SORL1: variants seen among roughly 807,000 people sequenced by gnomAD.
SORL1 encodes the protein sortilin related receptor 1, also known as sortilin-related receptor.
In SORL1, 127 loss-of-function variants were observed where a neutral mutation model predicts 273.7. The ratio of observed to expected loss-of-function variants is 0.46; its 90% CI spans 0.40 to 0.54. The LOEUF is 0.54. Ranked by LOEUF, SORL1 falls within the 20% of genes least tolerant of loss-of-function variation. The pLI is 0.00. For missense variants in SORL1, 2,494 were observed against 2,846.1 expected (o/e 0.88, Z 2.81); for synonymous variants, 1,031 against 1,067.4 (o/e 0.97, Z 0.66).
intron 25 of SORL1, among the ~76,000 whole-genome samples, chr11:121,578,698 T>C (rs976452249): frequency 6.6e-6 from 1 of 152,238 alleles, no homozygotes; most frequent in Non-Finnish European, 1.5e-5. Context: ...TGACCTCATA[T>C]GGCCTTAAGG....
chr11:121,455,802 G>A (rs1206171365), intron 1 of SORL1, among the ~76,000 whole-genome samples: 1 of 152,190 alleles, frequency 6.6e-6, no homozygotes. Flanking sequence ...AAACCAGCCT[G>A]GTCCACATGG....
chr11:121,624,845 C>T (rs568010821), intron 45 of SORL1, among the ~76,000 whole-genome samples: 16 of 152,130 alleles, frequency 1.1e-4, no homozygotes, highest in Admixed American at 3.9e-4. Flanking sequence ...TTCATTTCCA[C>T]GATATAGCTT....
intron 30 of SORL1, chr11:121,590,435 C>T: frequency 2.0e-6 from 1 of 500,400 alleles, no homozygotes; most frequent in Non-Finnish European, 3.6e-6. Flanking sequence ...TGGTTTGCAA[C>T]CAGTAGCATC....
In SORL1 at chr11:121,581,490, T is replaced by C. The variant is rs148558879; in HGVS notation, c.3581-1968T>C. Among the ~76,000 whole-genome samples the C allele has an allele frequency of 1.0e-3, 154 of 152,296 alleles. 1 individual carries two copies. Among genetic ancestry groups the C allele is most frequent in the African/African-American group, 3.6e-3 (148 of 41,570 alleles). ...GAATCCTACCATGCAGAGGATTCTT[T>C]TTCTTCCCTAAATTCTTCAGTCTGG... On this transcript the variant is annotated intron_variant, in intron 25 of 47. Transcript: ENST00000260197.
intron 1 of SORL1, among the ~76,000 whole-genome samples, chr11:121,467,351 T>C (rs1861099696): frequency 6.6e-6 from 1 of 152,186 alleles, no homozygotes; most frequent in Non-Finnish European, 1.5e-5. Context: ...TCCTGTCCTC[T>C]GAGTAGATCG....
At chr11:121,463,136 G>A (rs929657423) in intron 1 of SORL1, among the ~76,000 whole-genome samples, 2 of 152,126 alleles carry the variant, frequency 1.3e-5, no homozygotes, top group Non-Finnish European at 2.9e-5. Flanking sequence ...ATGGCCGTGT[G>A]TTTTCAGGCA....
chr11:121,519,410 C>T (rs1222598078), intron 8 of SORL1, among the ~76,000 whole-genome samples: 3 of 151,424 alleles, frequency 2.0e-5, no homozygotes, highest in Non-Finnish European at 2.9e-5. Flanking sequence ...TATTCTCTCT[C>T]TCTTTTTTTT....
chr11:121,539,070 A>T (rs1032451603), intron 12 of SORL1, among the ~76,000 whole-genome samples: 2 of 152,196 alleles, frequency 1.3e-5, no homozygotes, highest in Admixed American at 6.5e-5. Context: ...TCATTGACAG[A>T]TGTGTTGAGC....
chr11:121,622,133 C>A (rs1565358035), intron 44 of SORL1, 29 bp from the exon 45 acceptor site: 2 of 1,230,958 alleles, frequency 1.6e-6, no homozygotes, highest in Non-Finnish European at 2.4e-6. Context: ...TATCCACTAA[C>A]CGCATCCCAT....
intron 1 of SORL1, among the ~76,000 whole-genome samples, chr11:121,458,738 C>T (rs937907638): frequency 2.6e-5 from 4 of 152,166 alleles, no homozygotes; most frequent in African/African-American, 4.8e-5. Context: ...GGGCGGCCTT[C>T]AAGCGCTGAA....
At chr11:121,586,378 A>G in intron 27 of SORL1, 49 bp downstream of exon 27, 2 of 1,351,618 alleles carry the variant, frequency 1.5e-6, no homozygotes, top group Non-Finnish European at 2.1e-6. Context: ...AGTGATTATG[A>G]GTGAAGAGCG....
intron 32 of SORL1, among the ~76,000 whole-genome samples, chr11:121,601,194 A>G (rs1226698872): frequency 9.7e-5 from 14 of 143,796 alleles, no homozygotes; most frequent in Non-Finnish European, 2.0e-4. Flanking sequence ...ATGATTTCCA[A>G]TTTCATCCAT....
chr11:121,539,612 T>C (rs1233896398), intron 12 of SORL1, among the ~76,000 whole-genome samples: 1 of 151,102 alleles, frequency 6.6e-6, no homozygotes, highest in Non-Finnish European at 1.5e-5. Context: ...TAGAATTTTT[T>C]TTCTATTTTT....
At chr11:121,516,344 A>G (rs1178500149) in intron 8 of SORL1, among the ~76,000 whole-genome samples, 1 of 152,186 alleles carries the variant, frequency 6.6e-6, no homozygotes, top group African/African-American at 2.4e-5. Context: ...TTGTTGATAG[A>G]TGGGACGAGG....
intron 8 of SORL1, 128 bp downstream of exon 8, chr11:121,514,449 G>A (rs1441844569): frequency 1.1e-5 from 10 of 896,928 alleles, no homozygotes; most frequent in Admixed American, 2.9e-5. Flanking sequence ...GAAACCCGAT[G>A]CCTGGCTCAC....
Position 121,452,611 on chromosome 11 carries a change from G to A in SORL1, c.280G>A (p.Gly94Arg). 10 of 1,496,206 alleles carry A rather than the reference G, an allele frequency of 6.7e-6. No individual in the cohort carries two copies. Among genetic ancestry groups the A allele is most frequent in the Non-Finnish European group, 8.9e-6 (10 of 1,128,632 alleles). 92.7% of individuals were successfully genotyped at this position (1,496,206 alleles called of 1,614,324 possible). ...GCAGCCCGAGCCCATCAAGGTGTACGGACAGGTGAGCAGTTTTGCAACCCG... is the reference window on the plus strand; with the variant it reads ...GCAGCCCGAGCCCATCAAGGTGTACAGACAGGTGAGCAGTTTTGCAACCCG... ...ALQPEPIKVYGQVSLNDSHNQ... is the reference protein window; with the variant it reads ...ALQPEPIKVYRQVSLNDSHNQ... Residue 94 changes from glycine (G) to arginine (R), a missense_variant, in exon 1 of 48, where the codon GGA (glycine) becomes AGA (arginine). Around this residue, in one of 3 missense-constraint regions of SORL1, gnomAD observed 175 missense variants for 147.1 expected, o/e 1.19. Transcript: ENST00000260197. The surrounding 1 kb of genome is among the most constrained non-coding windows in gnomAD (Gnocchi z 5.3).
chr11:121,519,505 G>A (rs560649857), intron 8 of SORL1, among the ~76,000 whole-genome samples: 20 of 151,966 alleles, frequency 1.3e-4, no homozygotes, highest in African/African-American at 4.1e-4. Context: ...TCCGCGTCCC[G>A]GGTTCATGCC....
Position 121,614,904 on chromosome 11 carries a change from T to C in SORL1, c.5453T>C (p.Ile1818Thr), listed in dbSNP as rs760970929. 1 of 1,613,242 alleles carries C rather than the reference T, an allele frequency of 6.2e-7. No homozygotes were observed. The highest frequency in any genetic ancestry group is 1.1e-5 in the South Asian group (1 of 90,856). The part of the protein sequence containing the change: ...GNLTAHTSYE[I>T]SAWAKTDLGD... ...CTGACAGCTCATACATCCTATGAGA[T>C]TTCTGCCTGGGCCAAGACTGACTTG... Residue 1818 changes from isoleucine (I) to threonine (T), a missense_variant, in exon 41 of 48, where the codon ATT becomes ACT. Transcript: ENST00000260197.
Position 121,478,261 on chromosome 11 carries a change from C to G in SORL1, c.528+18C>G, listed in dbSNP as rs369285342. The G allele has an allele frequency of 8.7e-6, 14 of 1,611,540 alleles. No individual in the cohort carries two copies. Among genetic ancestry groups the G allele is most frequent in the Non-Finnish European group, 1.0e-5 (12 of 1,178,812 alleles). On this transcript the variant is annotated intron_variant, in intron 3 of 47. Transcript: ENST00000260197. ...ACAAGCGGGTAAGGAAGTGGCCATCCCTCCTGTCCCGACTTCATGGGACTG... is the reference window on the plus strand; with the variant it reads ...ACAAGCGGGTAAGGAAGTGGCCATCGCTCCTGTCCCGACTTCATGGGACTG...
Sources: allele counts gnomAD v4.1 joint callset (sites outside exome capture counted in the v4.1 genomes callset), GRCh38; gene constraint gnomAD v4.1.1; regional missense constraint gnomAD v4.1.1; non-coding constraint Gnocchi (gnomAD v3.1); transcripts MANE v1.5; gene names NCBI Gene and HGNC (gene_info 2026-07-23, HGNC 2026-07-21).